Variants in PDE1A observed in about 807,000 individuals in gnomAD.
PDE1A encodes dual specificity calcium/calmodulin-dependent 3',5'-cyclic nucleotide phosphodiesterase 1A.
Under a neutral mutation model 61.7 loss-of-function variants are expected in PDE1A, and 35 were observed. The ratio of observed to expected loss-of-function variants is 0.57; its 90% CI spans 0.43 to 0.75. The LOEUF is 0.75. Among genes scored for constraint, PDE1A ranks in the 30% least tolerant of loss-of-function variants. The pLI, the probability that PDE1A is intolerant of heterozygous loss-of-function variation, is 0.00. For missense variants in PDE1A, 597 were observed against 630.6 expected (o/e 0.95, Z 0.57); for synonymous variants, 232 against 213.2 (o/e 1.09, Z -0.77).
intron 1 of PDE1A, among the ~76,000 whole-genome samples, chr2:182,412,472 T>C (rs569077034): frequency 1.3e-5 from 2 of 152,354 alleles, no homozygotes; most frequent in African/African-American, 4.8e-5. Flanking sequence ...AATATGGGGA[T>C]ACTAATGCCC....
the PDE1A span, among the ~76,000 whole-genome samples, chr2:182,564,294 T>C: frequency 6.6e-6 from 1 of 152,326 alleles, no homozygotes; most frequent in South Asian, 2.1e-4. Flanking sequence ...TAAAGTATTT[T>C]ATTTCTCCTT....
the PDE1A span, among the ~76,000 whole-genome samples, chr2:182,615,567 T>C: frequency 6.6e-6 from 1 of 152,234 alleles, no homozygotes; most frequent in African/African-American, 2.4e-5. Flanking sequence ...GTAGCATTAC[T>C]AATAAAATAA....
the PDE1A span, among the ~76,000 whole-genome samples, chr2:182,586,132 C>G: frequency 6.6e-6 from 1 of 152,052 alleles, no homozygotes; most frequent in African/African-American, 2.4e-5. Context: ...ATGAGGTATT[C>G]ATTTTCAGTA....
intron 1 of PDE1A, among the ~76,000 whole-genome samples, chr2:182,295,090 T>TTTTTAC (rs1694792657): frequency 9.0e-6 from 1 of 111,258 alleles, no homozygotes; most frequent in African/African-American, 3.4e-5. Flanking sequence ...TTTTTTGAGA[T>TTTTTAC]GGAGTCTCGC....
exon 14 of PDE1A, chr2:182,147,066 A>G: frequency 6.4e-7 from 1 of 1,551,412 alleles, no homozygotes; most frequent in Non-Finnish European, 8.9e-7. Context: ...GAAGTCTTTA[A>G]GGTGTTTCGG....
At chr2:182,350,728 C>T (rs995281511) in intron 1 of PDE1A, among the ~76,000 whole-genome samples, 1 of 152,140 alleles carries the variant, frequency 6.6e-6, no homozygotes, top group Non-Finnish European at 1.5e-5. Flanking sequence ...CCAGTTATCT[C>T]CATGGACTTC....
At chr2:182,575,138 G>A in the PDE1A span, among the ~76,000 whole-genome samples, 4 of 152,032 alleles carry the variant, frequency 2.6e-5, no homozygotes, top group South Asian at 4.1e-4. Flanking sequence ...TTTTTTTCCT[G>A]GTGGAATGAT....
At chr2:182,593,590 A>C in the PDE1A span, among the ~76,000 whole-genome samples, 2 of 152,120 alleles carry the variant, frequency 1.3e-5, no homozygotes, top group Non-Finnish European at 2.9e-5. Context: ...GATTTGAAAA[A>C]ACTCCTTTGG....
chr2:182,399,563 C>G (rs1271597287), intron 1 of PDE1A, among the ~76,000 whole-genome samples: 1 of 152,056 alleles, frequency 6.6e-6, no homozygotes, highest in Non-Finnish European at 1.5e-5. Flanking sequence ...CTAAGCTTAT[C>G]AATTGTAATA....
chr2:182,307,355 G>C (rs1404851782), intron 1 of PDE1A, among the ~76,000 whole-genome samples: 1 of 152,106 alleles, frequency 6.6e-6, no homozygotes, highest in Non-Finnish European at 1.5e-5. Flanking sequence ...GTTCTCACAG[G>C]ACTGTGTTTT....
chr2:182,680,775 T>C, the PDE1A span, among the ~76,000 whole-genome samples: 1 of 152,172 alleles, frequency 6.6e-6, no homozygotes. Context: ...TGTGAACCAG[T>C]GGTAGAAGAA....
At chr2:182,334,991 C>T (rs1036705258) in intron 1 of PDE1A, among the ~76,000 whole-genome samples, 2 of 152,128 alleles carry the variant, frequency 1.3e-5, no homozygotes, top group African/African-American at 4.8e-5. Context: ...AATAGACAAA[C>T]AGAGAGCCAA....
At chr2:182,145,768 T>C (rs1283930678), downstream of PDE1A, among the ~76,000 whole-genome samples, 3 of 152,124 alleles carry the variant, frequency 2.0e-5, no homozygotes, top group African/African-American at 7.2e-5. Context: ...GTACTTCATA[T>C]ACAAGATGTT....
chr2:182,658,069 A>AC, the PDE1A span, among the ~76,000 whole-genome samples: 1 of 111,104 alleles, frequency 9.0e-6, no homozygotes, highest in South Asian at 3.5e-4. Context: ...AAAAAAAAAA[A>AC]AAACAAAAAA....
chr2:182,280,306 A>G (rs1001871586), intron 1 of PDE1A, among the ~76,000 whole-genome samples: 1 of 151,902 alleles, frequency 6.6e-6, no homozygotes, highest in African/African-American at 2.4e-5. Flanking sequence ...TCTGGCTCAC[A>G]TTCAGATCTG....
the PDE1A span, among the ~76,000 whole-genome samples, chr2:182,553,769 A>G: frequency 2.0e-5 from 3 of 152,238 alleles, no homozygotes; most frequent in African/African-American, 7.2e-5. Flanking sequence ...ATGGAAAATG[A>G]GAAGACAAGC....
chr2:182,175,825 G>A (rs1485078438), intron 13 of PDE1A, among the ~76,000 whole-genome samples: 9 of 126,076 alleles, frequency 7.1e-5, no homozygotes, highest in Admixed American at 2.5e-4. Context: ...TAGGTCTAAC[G>A]TTTAAGTCTT....
At chr2:182,584,720 C>T in the PDE1A span, among the ~76,000 whole-genome samples, 1 of 152,254 alleles carries the variant, frequency 6.6e-6, no homozygotes, top group African/African-American at 2.4e-5. Flanking sequence ...CTCTTGCCAG[C>T]AACTGTCAGC....
intron 4 of PDE1A, among the ~76,000 whole-genome samples, chr2:182,234,071 T>C (rs914365380): frequency 2.6e-5 from 4 of 152,338 alleles, no homozygotes; most frequent in Admixed American, 6.5e-5. Context: ...TTTTATAACA[T>C]GCATTTAACT....
Sources: allele counts gnomAD v4.1 joint callset (sites outside exome capture counted in the v4.1 genomes callset), GRCh38; gene constraint gnomAD v4.1.1; transcripts MANE v1.5; gene names NCBI Gene and HGNC (gene_info 2026-07-23, HGNC 2026-07-21).